Variants in PPP6R1 observed in about 807,000 individuals in gnomAD.
PPP6R1 encodes the protein protein phosphatase 6 regulatory subunit 1.
Under a neutral mutation model 104.6 loss-of-function variants are expected in PPP6R1, and 39 were observed. That is an observed-to-expected ratio of 0.37 (90% CI 0.29 to 0.49). PPP6R1 has a LOEUF of 0.49. Among genes scored for constraint, PPP6R1 ranks in the 20% least tolerant of loss-of-function variants. The probability of loss-of-function intolerance (pLI) is 0.98; values close to 1 mark genes in which losing one functional copy is unlikely to be tolerated. For synonymous variants in PPP6R1, 549 were observed against 479.0 expected (o/e 1.15, Z -1.91); for missense variants, 1,181 against 1,155.8 (o/e 1.02, Z -0.32).
chr19:55,241,258 T>C lies in PPP6R1; in HGVS notation c.1142A>G (p.Asp381Gly). Residue 381 changes from aspartate to glycine, a missense_variant, in exon 9 of 24, where the codon GAC (aspartate) becomes GGC (glycine). Around this residue, in one of 2 missense-constraint regions of PPP6R1, gnomAD observed 1,042 missense variants for 955.6 expected, o/e 1.09. Coordinates refer to ENST00000412770, the MANE Select transcript of PPP6R1 (RefSeq NM_014931.4). The surrounding 1 kb of genome is among the most constrained non-coding windows in gnomAD (Gnocchi z 5.4). ...CCGCACCAGCATGGTGTTGGGCACG[T>C]CCAGTGCCAGGAGCTCGTGCGTCAG... ...AALTHELLAL[D>G]VPNTMLDLFF... 1.9e-6 allele frequency: 3 copies of C among 1,604,604 alleles called. No individual in the cohort carries two copies. The highest frequency in any genetic ancestry group is 2.5e-6 in the Non-Finnish European group (3 of 1,177,250).
rs755605860 is a variant in PPP6R1 at position 55,240,927 on chromosome 19, C to G, written c.1296+18G>C. 6.2e-7 allele frequency: 1 copy of G among 1,601,820 alleles called. No homozygotes were observed. On this transcript the variant is annotated intron_variant, in intron 10 of 23. Coordinates refer to ENST00000412770, the MANE Select transcript of PPP6R1 (RefSeq NM_014931.4). ...GGGATGGGCCCAGAAGGAGGGGGAC[C>G]AGGGAGTCCCAGCTCACATGTTTCA... is the stretch of plus-strand genomic sequence containing the variant.
chr19:55,239,333 A>G, intron 15 of PPP6R1, 72 bp downstream of exon 15: 1 of 1,419,780 alleles, frequency 7.0e-7, no homozygotes, highest in Non-Finnish European at 9.8e-7. Context: ...CGTGCAGGGG[A>G]CAGATACAAG....
In PPP6R1 at chr19:55,245,348, T is replaced by C. The variant is rs1003671005; in HGVS notation, c.469A>G (p.Ile157Val). The change falls in exon 4 of 24, where the codon ATT (isoleucine) becomes GTT (valine). Residue 157 changes from isoleucine (I) to valine (V), a missense_variant. Coordinates refer to ENST00000412770, the MANE Select transcript of PPP6R1 (RefSeq NM_014931.4). The surrounding 1 kb of genome is among the most constrained non-coding windows in gnomAD (Gnocchi z 6.4). ...DDFVDLLLQH[I>V]GTSAIMDLLL... ...AGGTCCATGATGGCCGAGGTGCCAA[T>C]GTGCTGCAGCAGCAGGTCCACGAAG... 2 of 1,612,584 alleles carry C rather than the reference T, an allele frequency of 1.2e-6. No homozygotes were observed. Among genetic ancestry groups the C allele is most frequent in the Non-Finnish European group, 8.5e-7 (1 of 1,179,446 alleles).
Position 55,231,968 on chromosome 19 carries a change from C to A in PPP6R1, c.2140G>T (p.Ala714Ser). 1 of 1,597,620 alleles carries A rather than the reference C, an allele frequency of 6.3e-7. No homozygotes were observed. The change falls in exon 19 of 24, where the codon GCC (alanine) becomes TCC (serine). Residue 714 changes from alanine (A) to serine (S), a missense_variant. Ala to Ser is a moderately conservative substitution (Grantham distance 99, BLOSUM62 1). This residue lies in a region of PPP6R1 where 1,042 missense variants were observed against 955.6 expected (regional missense o/e 1.09). Coordinates refer to ENST00000412770, the MANE Select transcript of PPP6R1 (RefSeq NM_014931.4). ...TCTGTAGGCACTGGGTCAAAGGTGG[C>A]TGTCCAGCTGGGGCCTGGGATAGAG... is the stretch of plus-strand genomic sequence containing the variant. Reference protein sequence around the residue: ...GPQPPGPSWTATFDPVPTDAP... With the variant: ...GPQPPGPSWTSTFDPVPTDAP...
At position 55,241,165 on chromosome 19, in the gene PPP6R1, C is replaced by G; in HGVS notation, c.1161+74G>C. The G allele has an allele frequency of 6.7e-7, 1 of 1,494,488 alleles. No individual in the cohort carries two copies. 92.6% of individuals were successfully genotyped at this position (1,494,488 alleles called of 1,614,324 possible). A position where few individuals can be genotyped will look rare whatever the true frequency, so the allele number is the denominator to read the frequency against. ...TGAGCCCCCAGCCGAGCCCCCACCC[C>G]AGCCCCCGAACCCTCAGCCCAGTCC... On this transcript the variant is annotated intron_variant, in intron 9 of 23. Transcript: ENST00000412770. The surrounding 1 kb of genome is among the most constrained non-coding windows in gnomAD (Gnocchi z 5.4).
At position 55,252,462 on chromosome 19, in the gene PPP6R1, G is replaced by A. The variant is rs868364608; in HGVS notation, c.-6-5353C>T. Among the ~76,000 whole-genome samples the A allele has an allele frequency of 2.5e-4, 38 of 150,812 alleles. 1 individual carries two copies. Among genetic ancestry groups the A allele is most frequent in the African/African-American group, 7.6e-4 (31 of 40,976 alleles). On this transcript the variant is annotated intron_variant, in intron 1 of 23. Transcript: ENST00000412770. ...CACCCAGGCTGGAGTGCAGCGGCGC[G>A]ATCTCGGCTCACTGCAATCTCCGCC...
chr19:55,239,315 T>G, intron 15 of PPP6R1, 90 bp downstream of exon 15: 3 of 1,282,204 alleles, frequency 2.3e-6, no homozygotes, highest in Non-Finnish European at 3.3e-6. Context: ...CCACAGGGCA[T>G]GTAGGTGCGT....
At position 55,241,191 on chromosome 19, in the gene PPP6R1, A is replaced by T. The variant is rs1308756258; in HGVS notation, c.1161+48T>A. On this transcript the variant is annotated intron_variant, in intron 9 of 23. Coordinates refer to ENST00000412770, the MANE Select transcript of PPP6R1 (RefSeq NM_014931.4). This position sits in a 1 kb window ranked among gnomAD's most constrained non-coding sequence, Gnocchi z 5.4. ...AGCCCCCGAACCCTCAGCCCAGTCCAGTCCCCGCCCCAGCCCCTGAACCCC... is the reference window on the plus strand; with the variant it reads ...AGCCCCCGAACCCTCAGCCCAGTCCTGTCCCCGCCCCAGCCCCTGAACCCC... 3.6e-6 allele frequency: 4 copies of T among 1,103,628 alleles called. No individual in the cohort carries two copies. The highest frequency in any genetic ancestry group is 4.5e-6 in the Non-Finnish European group (4 of 892,558). The allele number at this position is 1,103,628 out of a possible 1,614,324, so 68.4% of individuals were successfully genotyped here. A position where few individuals can be genotyped will look rare whatever the true frequency, so the allele number is the denominator to read the frequency against.
intron 1 of PPP6R1, among the ~76,000 whole-genome samples, chr19:55,257,535 C>A (rs189186073): frequency 1.3e-5 from 2 of 152,164 alleles, no homozygotes; most frequent in South Asian, 4.1e-4. Context: ...AGGACTCCGA[C>A]CTTCCTTCCT....
In PPP6R1 at chr19:55,231,295, G is replaced by T. The variant is rs911826110; in HGVS notation, c.2459+115C>A. The T allele has an allele frequency of 9.6e-6, 12 of 1,243,922 alleles. No homozygotes were observed. In the East Asian group the frequency reaches 2.8e-4, roughly 29 times the overall value. 77.1% of individuals were successfully genotyped at this position (1,243,922 alleles called of 1,614,324 possible). On this transcript the variant is annotated intron_variant, in intron 21 of 23. Transcript: ENST00000412770. ...GGGCACAACATGAGGCTGCGCCTGGGGGTCCTGCAAAGGAGGCCTGGAGCA... is the reference window on the plus strand; with the variant it reads ...GGGCACAACATGAGGCTGCGCCTGGTGGTCCTGCAAAGGAGGCCTGGAGCA...
chr19:55,247,507 G>A (rs1007750222), intron 1 of PPP6R1: 1 of 190,186 alleles, frequency 5.3e-6, no homozygotes, highest in African/African-American at 2.4e-5. Flanking sequence ...CTCGGGCCCT[G>A]TCTCCCCATG....
chr19:55,247,220 A>C, intron 1 of PPP6R1, 111 bp from the exon 2 acceptor site: 1 of 1,138,412 alleles, frequency 8.8e-7, no homozygotes, highest in Non-Finnish European at 1.3e-6. Context: ...CCTCTCCCCA[A>C]GTCCCAGCCC....
chr19:55,231,259 G>T, intron 21 of PPP6R1, 151 bp downstream of exon 21: 1 of 980,072 alleles, frequency 1.0e-6, no homozygotes, highest in Non-Finnish European at 1.6e-6. Flanking sequence ...CCTACAGAGT[G>T]CAAGGGGCTG....
At chr19:55,240,473 C>T (rs1042212097) in intron 10 of PPP6R1, among the ~76,000 whole-genome samples, 173 bp from the exon 11 acceptor site, 3 of 150,772 alleles carry the variant, frequency 2.0e-5, no homozygotes, top group African/African-American at 7.3e-5. Context: ...TGGCATCCAC[C>T]CAAGTCTCTC....
chr19:55,253,841 C>T (rs543266096), intron 1 of PPP6R1, among the ~76,000 whole-genome samples: 23 of 152,288 alleles, frequency 1.5e-4, no homozygotes, highest in African/African-American at 2.6e-4. Context: ...GGGTTTCACT[C>T]GCACTCTCCT....
intron 21 of PPP6R1, 125 bp from the exon 22 acceptor site, chr19:55,231,009 G>A: frequency 2.5e-6 from 2 of 803,384 alleles, no homozygotes; most frequent in South Asian, 1.6e-5. Flanking sequence ...CACGGGGAGG[G>A]GCCTCCCGAG....
rs1255564809 is a variant in PPP6R1 at position 55,230,686 on chromosome 19, T to C, written c.2571-2A>G. 1 of 1,588,694 alleles carries C rather than the reference T, an allele frequency of 6.3e-7. No homozygotes were observed. The highest frequency in any genetic ancestry group is 8.6e-7 in the Non-Finnish European group (1 of 1,168,544). ...GGAGGAGGCGTGAGGGCCTGGGCAC[T>C]GTCAGGGGAGAGAGGGGATGTGCAG... is the stretch of plus-strand genomic sequence containing the variant. On this transcript the variant is annotated splice_acceptor_variant, in intron 22 of 23. Coordinates refer to ENST00000412770, the MANE Select transcript of PPP6R1 (RefSeq NM_014931.4). LOFTEE classifies it high-confidence loss of function.
chr19:55,228,584 T>C, downstream of PPP6R1: 1 of 1,523,990 alleles, frequency 6.6e-7, no homozygotes, highest in Non-Finnish European at 8.8e-7. Context: ...AGAACCCAGC[T>C]TCCCAGGGCC....
At chr19:55,248,371 C>A (rs925877780) in intron 1 of PPP6R1, among the ~76,000 whole-genome samples, 1 of 152,252 alleles carries the variant, frequency 6.6e-6, no homozygotes, top group Non-Finnish European at 1.5e-5. Context: ...ACAGCCTTCA[C>A]GGAGCTCTCA....
Sources: gnomAD v4.1 joint callset for allele counts (sites outside exome capture counted in the v4.1 genomes callset) on GRCh38, gnomAD v4.1.1 for gene constraint, gnomAD v4.1.1 regional missense constraint, Gnocchi (gnomAD v3.1) non-coding constraint, MANE v1.5 for transcripts, NCBI Gene and HGNC (gene_info 2026-07-23, HGNC 2026-07-21) for gene names.